The following SYBU variants were observed in gnomAD, a reference collection of about 807,000 sequenced individuals.
The protein encoded by SYBU is syntabulin, also known as GOLSYN A protein.
In SYBU, 21 loss-of-function variants were observed where a neutral mutation model predicts 35.9. That is an observed-to-expected ratio of 0.58 (90% CI 0.41 to 0.84). The LOEUF (loss-of-function observed/expected upper bound fraction) is 0.84, where lower values mean the gene tolerates loss of function less well. SYBU is among the 40% of genes least tolerant of loss of function. The pLI, the probability that SYBU is intolerant of heterozygous loss-of-function variation, is 0.00. For synonymous variants in SYBU, 319 were observed against 324.3 expected, an observed-to-expected ratio of 0.98 and a Z score of 0.18; for missense variants, 768 against 848.2, an observed-to-expected ratio of 0.91 and a Z score of 1.17.
intron 3 of SYBU, chr8:109,607,808 T>TCACACACACACACACACA (rs71305960): frequency 1.6e-4 from 62 of 377,198 alleles, no homozygotes; most frequent in African/African-American, 6.3e-4. Context: ...CACAACTAAC[T>TCACACACACACACACACA]CACACACACA....
rs1822006280 is a variant in SYBU at position 109,574,680 on chromosome 8, G to A, written c.*226C>T. 4.7e-6 allele frequency: 2 copies of A among 423,236 alleles called. No homozygotes were observed. The highest frequency in any genetic ancestry group is 8.2e-6 in the Non-Finnish European group (2 of 242,606). 26.2% of individuals were successfully genotyped at this position (423,236 alleles called of 1,614,324 possible). Reference sequence around the variant, plus strand: ...GACGACACGGCAGGGTCATGAGCATGCTTTCTATACCCCACTGGTGGGACA... The same window carrying A: ...GACGACACGGCAGGGTCATGAGCATACTTTCTATACCCCACTGGTGGGACA... On this transcript the variant is annotated 3_prime_UTR_variant, in exon 7 of 7. Transcript: ENST00000276646.
chr8:109,666,858 T>A (rs143714519), intron 1 of SYBU, among the ~76,000 whole-genome samples: 1 of 152,342 alleles, frequency 6.6e-6, no homozygotes, highest in East Asian at 1.9e-4. Context: ...AAAGAACTTA[T>A]AGCCTTAGGA....
intron 3 of SYBU, among the ~76,000 whole-genome samples, chr8:109,612,213 A>G (rs1441021531): frequency 6.6e-6 from 1 of 152,194 alleles, no homozygotes; most frequent in Non-Finnish European, 1.5e-5. Flanking sequence ...TGATATTAGG[A>G]TGAAATGAGT....
chr8:109,582,746 T>C (rs1336685116), intron 4 of SYBU, among the ~76,000 whole-genome samples: 1 of 152,156 alleles, frequency 6.6e-6, no homozygotes, highest in African/African-American at 2.4e-5. Flanking sequence ...TAACTCCCAG[T>C]ACCACAGAAT....
At chr8:109,606,017 A>G (rs1004128337) in intron 3 of SYBU, among the ~76,000 whole-genome samples, 2 of 152,222 alleles carry the variant, frequency 1.3e-5, no homozygotes, top group Non-Finnish European at 2.9e-5. Context: ...ATATATATAC[A>G]TACATACACA....
At chr8:109,678,434 C>CTTTTT (rs10717299) in intron 1 of SYBU, among the ~76,000 whole-genome samples, 7 of 58,388 alleles carry the variant, frequency 1.2e-4, no homozygotes, top group Admixed American at 2.5e-4. Context: ...TTCAAATAAC[C>CTTTTT]TTTTTTTTTT....
chr8:109,673,213 C>T (rs1028665992), intron 1 of SYBU, among the ~76,000 whole-genome samples: 2 of 152,146 alleles, frequency 1.3e-5, no homozygotes, highest in Admixed American at 6.5e-5. Context: ...CAAGTGAGTT[C>T]CTGACCCCCG....
intron 1 of SYBU, among the ~76,000 whole-genome samples, chr8:109,680,469 C>CAGGAAAATTTCTTTGG (rs1817362567): frequency 6.6e-6 from 1 of 152,250 alleles, no homozygotes; most frequent in East Asian, 1.9e-4. Context: ...AATTTCTTTG[C>CAGGAAAATTTCTTTGG]AGGAAATTGT....
chr8:109,586,917 G>A lies in SYBU; in HGVS notation c.428-755C>T, dbSNP rs149728371. On this transcript the variant is annotated intron_variant, in intron 3 of 6. Transcript: ENST00000276646. ...TGTGTAATTATAATATAAATATGCT[G>A]TGCAGTAAAATAATTTATATAAATT... Among the ~76,000 whole-genome samples, 1,131 of 152,190 alleles carry A rather than the reference G, an allele frequency of 7.4e-3. 4 individuals carry two copies. Among genetic ancestry groups the A allele is most frequent in the Middle Eastern group, 0.014 (4 of 294 alleles).
upstream of SYBU, among the ~76,000 whole-genome samples, chr8:109,685,749 G>A (rs952031970): frequency 2.0e-5 from 3 of 152,116 alleles, 1 homozygote; most frequent in Non-Finnish European, 4.4e-5. Flanking sequence ...GGAAATAATG[G>A]CTCATTATTT....
At chr8:109,665,710 G>A (rs1462937363) in intron 1 of SYBU, among the ~76,000 whole-genome samples, 1 of 152,114 alleles carries the variant, frequency 6.6e-6, no homozygotes, top group African/African-American at 2.4e-5. Flanking sequence ...TCAGTTGACT[G>A]GTAACCATGT....
At chr8:109,593,616 G>C (rs184523207) in intron 3 of SYBU, among the ~76,000 whole-genome samples, 1 of 152,350 alleles carries the variant, frequency 6.6e-6, no homozygotes, top group East Asian at 1.9e-4. Flanking sequence ...GGTCCAACCA[G>C]TGTGCTGTTG....
At chr8:109,680,990 T>G (rs1312762662) in exon 1 of SYBU, 1 of 152,244 alleles carries the variant, frequency 6.6e-6, no homozygotes, top group Non-Finnish European at 1.5e-5. Flanking sequence ...GCTTCCAGCT[T>G]AAATATCCTG....
At chr8:109,658,610 G>A (rs1012322988) in intron 1 of SYBU, among the ~76,000 whole-genome samples, 44 of 152,242 alleles carry the variant, frequency 2.9e-4, no homozygotes, top group African/African-American at 1.1e-3. Context: ...CATCCATTAA[G>A]CCAATATGCT....
At chr8:109,630,543 A>C (rs1449266639) in intron 2 of SYBU, among the ~76,000 whole-genome samples, 1 of 152,214 alleles carries the variant, frequency 6.6e-6, no homozygotes, top group Non-Finnish European at 1.5e-5. Context: ...CATTAAGAAA[A>C]GTACATATAT....
At chr8:109,652,352 T>TCTC (rs1451513704) in intron 1 of SYBU, among the ~76,000 whole-genome samples, 1 of 134,032 alleles carries the variant, frequency 7.5e-6, no homozygotes, top group Admixed American at 7.1e-5. Flanking sequence ...TCTTCCTTTT[T>TCTC]CTCCTCCTCC....
At chr8:109,646,283 A>G (rs1815689404), upstream of SYBU, 2 of 152,146 alleles carry the variant, frequency 1.3e-5, no homozygotes, top group Admixed American at 1.3e-4. Context: ...GCTCCTCGAA[A>G]ACTGAGGGTC....
intron 1 of SYBU, among the ~76,000 whole-genome samples, chr8:109,649,985 G>T (rs993262542): frequency 6.6e-6 from 1 of 152,170 alleles, no homozygotes; most frequent in African/African-American, 2.4e-5. Context: ...GACATGAAAA[G>T]GAAAGCCTAA....
chr8:109,667,833 T>G (rs1816813120), intron 1 of SYBU, among the ~76,000 whole-genome samples: 2 of 152,196 alleles, frequency 1.3e-5, no homozygotes, highest in Admixed American at 6.5e-5. Flanking sequence ...TTTAAAAACC[T>G]TAGCCCAGCC....
Sources: allele counts gnomAD v4.1 joint callset (sites outside exome capture counted in the v4.1 genomes callset), GRCh38; gene constraint gnomAD v4.1.1; transcripts MANE v1.5; gene names NCBI Gene and HGNC (gene_info 2026-07-23, HGNC 2026-07-21).